Variants in DBT observed in about 807,000 individuals in gnomAD.
DBT encodes the protein lipoamide acyltransferase component of branched-chain alpha-keto acid dehydrogenase complex, mitochondrial.
In DBT, 40 loss-of-function variants were observed where a neutral mutation model predicts 51.3. The ratio of observed to expected loss-of-function variants is 0.78; its 90% CI spans 0.61 to 1.02. The LOEUF is 1.02. DBT is among the 50% of genes least tolerant of loss of function. The probability of loss-of-function intolerance (pLI) is 0.00; values close to 1 mark genes in which losing one functional copy is unlikely to be tolerated. For missense variants in DBT, 510 were observed against 580.2 expected, an observed-to-expected ratio of 0.88 and a Z score of 1.24; for synonymous variants, 181 against 190.4, an observed-to-expected ratio of 0.95 and a Z score of 0.41.
Position 100,249,826 on chromosome 1 carries a change from C to T in DBT, c.-6G>A. On this transcript the variant is annotated 5_prime_UTR_variant, in exon 1 of 11. Transcript: ENST00000370132. ...AGCATACGGACTGCAGCCATCTTAC[C>T]CCGGAAATGACAACAGTGCCGCAAA... 1.2e-6 allele frequency: 2 copies of T among 1,614,186 alleles called. No individual in the cohort carries two copies. The highest frequency in any genetic ancestry group is 1.7e-6 in the Non-Finnish European group (2 of 1,180,008).
intron 10 of DBT, among the ~76,000 whole-genome samples, chr1:100,203,840 A>G (rs979173468): frequency 6.6e-6 from 1 of 152,246 alleles, no homozygotes; most frequent in Non-Finnish European, 1.5e-5. Context: ...AACAGAACCA[A>G]TGACAAAAAC....
At chr1:100,213,264 C>CGG in intron 7 of DBT, 1 of 1,319,250 alleles carries the variant, frequency 7.6e-7, no homozygotes, top group Non-Finnish European at 9.7e-7. Flanking sequence ...GCGTCCCCGC[C>CGG]GGGGCCGACA....
At chr1:100,218,092 A>C (rs2100803236) in intron 5 of DBT, among the ~76,000 whole-genome samples, 1 of 152,272 alleles carries the variant, frequency 6.6e-6, no homozygotes, top group Non-Finnish European at 1.5e-5. Flanking sequence ...AGGAAATACA[A>C]AAGGCCGGCC....
At chr1:100,207,716 A>G (rs1396793406) in intron 8 of DBT, among the ~76,000 whole-genome samples, 1 of 151,924 alleles carries the variant, frequency 6.6e-6, no homozygotes, top group East Asian at 1.9e-4. Context: ...GCACATGCCT[A>G]TAGTCTCAGC....
intron 3 of DBT, among the ~76,000 whole-genome samples, chr1:100,235,130 G>A (rs1298478845): frequency 2.0e-5 from 3 of 151,986 alleles, no homozygotes; most frequent in African/African-American, 4.8e-5. Context: ...TCAGGTAATG[G>A]TAAGTCAAAC....
Position 100,196,439 on chromosome 1 carries a change from A to C in DBT, c.1282-17T>G. ...GGGAATGGCCTAGAAATGAAAAAAA[A>C]AAAAAAAAAAAAAAAAAAAAGAACA... On this transcript the variant is annotated splice_polypyrimidine_tract_variant and intron_variant, in intron 10 of 10. Transcript: ENST00000370132. 1 of 1,222,192 alleles carries C rather than the reference A, an allele frequency of 8.2e-7. No individual in the cohort carries two copies. The highest frequency in any genetic ancestry group is 1.1e-6 in the Non-Finnish European group (1 of 897,968). 75.7% of individuals were successfully genotyped at this position (1,222,192 alleles called of 1,614,324 possible).
intron 9 of DBT, 54 bp downstream of exon 9, chr1:100,206,391 C>T (rs752916671): frequency 3.9e-6 from 6 of 1,554,720 alleles, no homozygotes; most frequent in Admixed American, 1.7e-5. Flanking sequence ...TTTAATTAAG[C>T]ATATGATCAG....
rs779410028 is a variant in DBT, at chr1:100,230,699, A to G, written c.433+34T>C. The G allele has an allele frequency of 1.8e-5, 25 of 1,414,796 alleles. No individual in the cohort carries two copies. The South Asian group carries it at 2.9e-4, about 17-fold the overall frequency. 87.6% of individuals were successfully genotyped at this position (1,414,796 alleles called of 1,614,324 possible). A position where few individuals can be genotyped will look rare whatever the true frequency, so the allele number is the denominator to read the frequency against. ...CAATGACAAAAAGAGACCAATAATC[A>G]ATTTGGTAAAATAGATTAACAGACT... On this transcript the variant is annotated intron_variant, in intron 4 of 10. Transcript: ENST00000370132.
intron 1 of DBT, among the ~76,000 whole-genome samples, chr1:100,246,080 A>T (rs1433213124): frequency 4.6e-5 from 7 of 152,046 alleles, no homozygotes; most frequent in Non-Finnish European, 1.0e-4. Flanking sequence ...TGGCCAACAC[A>T]GCGAAACCCC....
intron 7 of DBT, among the ~76,000 whole-genome samples, chr1:100,212,156 T>G (rs1662186919): frequency 6.6e-6 from 1 of 152,220 alleles, no homozygotes; most frequent in African/African-American, 2.4e-5. Context: ...TAGTCTAAAC[T>G]GTTACATATA....
At chr1:100,240,336 T>C (rs909477395) in intron 2 of DBT, among the ~76,000 whole-genome samples, 2 of 152,110 alleles carry the variant, frequency 1.3e-5, no homozygotes, top group African/African-American at 2.4e-5. Context: ...AGATGATAAA[T>C]AGATGGCCCA....
chr1:100,220,019 C>G (rs1314422672), intron 4 of DBT, among the ~76,000 whole-genome samples: 1 of 151,950 alleles, frequency 6.6e-6, no homozygotes, highest in South Asian at 2.1e-4. Context: ...GTGGTGTGTG[C>G]CTGTAGTTCC....
intron 4 of DBT, among the ~76,000 whole-genome samples, chr1:100,219,613 T>C (rs1484070651): frequency 2.0e-5 from 3 of 151,784 alleles, no homozygotes; most frequent in South Asian, 2.1e-4. Flanking sequence ...CTAGGTACGA[T>C]AGCACACATC....
chr1:100,230,733 C>T lies in DBT; in HGVS notation c.433G>A (p.Asp145Asn), dbSNP rs1663506473. 6.2e-7 allele frequency: 1 copy of T among 1,600,002 alleles called. No homozygotes were observed. The highest frequency in any genetic ancestry group is 8.6e-7 in the Non-Finnish European group (1 of 1,169,218). ...LVDIETEALK[D>N]SEEDVVETPA... ...AAATAGATTAACAGACTTACAATAC[C>T]TTTTAAAGCTTCCGTTTCTATGTCT... Residue 145 changes from aspartate (D) to asparagine (N), a missense_variant and splice_region_variant, in exon 4 of 11, where the codon GAT becomes AAT. Coordinates refer to ENST00000370132, the MANE Select transcript of DBT (RefSeq NM_001918.5).
rs1370506662 is a variant in DBT, at chr1:100,216,081, A to C, written c.674T>G (p.Ile225Ser). 1 of 1,613,812 alleles carries C rather than the reference A, an allele frequency of 6.2e-7. No individual in the cohort carries two copies. Among genetic ancestry groups the C allele is most frequent in the Non-Finnish European group, 8.5e-7 (1 of 1,179,750 alleles). ...TTTTGGCTTTGGTGGAGGTGGCATAATTTCAACTTTGGGTGAAGGAGGCAA... is the reference window on the plus strand; with the variant it reads ...TTTTGGCTTTGGTGGAGGTGGCATACTTTCAACTTTGGGTGAAGGAGGCAA... ...AILPPSPKVE[I>S]MPPPPKPKDM... is the part of the protein sequence containing the mutation. The change falls in exon 6 of 11, where the codon ATT becomes AGT. Residue 225 changes from isoleucine (I) to serine (S), a missense_variant. By Grantham distance (142) the Ile-to-Ser change is moderately radical (BLOSUM62 -2). Coordinates refer to ENST00000370132, the MANE Select transcript of DBT (RefSeq NM_001918.5).
chr1:100,207,028 G>A (rs187731549), intron 8 of DBT, among the ~76,000 whole-genome samples: 12 of 152,284 alleles, frequency 7.9e-5, no homozygotes, highest in African/African-American at 2.6e-4. Flanking sequence ...GCAGTGGGCC[G>A]AGATTGTGCC....
intron 8 of DBT, among the ~76,000 whole-genome samples, chr1:100,208,811 G>A (rs750486829): frequency 2.0e-5 from 3 of 150,812 alleles, no homozygotes; most frequent in Non-Finnish European, 4.4e-5. Flanking sequence ...AGAAGGCTGC[G>A]GTGGGAGGTG....
chr1:100,208,887 G>A (rs1661957352), intron 8 of DBT, among the ~76,000 whole-genome samples: 1 of 143,940 alleles, frequency 6.9e-6, no homozygotes, highest in Admixed American at 7.0e-5. Context: ...ACTTTAGATA[G>A]GCAACAGAGC....
intron 10 of DBT, among the ~76,000 whole-genome samples, chr1:100,200,168 C>G (rs1309623430): frequency 6.6e-6 from 1 of 152,160 alleles, no homozygotes; most frequent in Admixed American, 6.5e-5. Flanking sequence ...TTGAAATTCT[C>G]GCTGCCAGCA....
Sources: allele counts gnomAD v4.1 joint callset (sites outside exome capture counted in the v4.1 genomes callset), GRCh38; gene constraint gnomAD v4.1.1; transcripts MANE v1.5; gene names NCBI Gene and HGNC (gene_info 2026-07-23, HGNC 2026-07-21).